The following AATF variants were observed in gnomAD, a reference collection of about 807,000 sequenced individuals.
AATF encodes apoptosis antagonizing transcription factor, also known as protein AATF.
AATF carries 48 observed loss-of-function variants against 63.7 expected under a neutral mutation model. The observed-to-expected ratio is 0.75, with a 90% CI of 0.60 to 0.96. The LOEUF (loss-of-function observed/expected upper bound fraction) is 0.96, where lower values mean the gene tolerates loss of function less well. Among genes scored for constraint, AATF ranks in the 40% least tolerant of loss-of-function variants. AATF has a pLI of 0.00. For missense variants in AATF, 639 were observed against 685.7 expected, an observed-to-expected ratio of 0.93 and a Z score of 0.76; for synonymous variants, 258 against 247.7, an observed-to-expected ratio of 1.04 and a Z score of -0.39.
intron 8 of AATF, among the ~76,000 whole-genome samples, chr17:37,007,232 G>C (rs2071347948): frequency 6.6e-6 from 1 of 152,068 alleles, no homozygotes; most frequent in Non-Finnish European, 1.5e-5. Context: ...CTGTCACCCA[G>C]GCTGGACCAT....
At chr17:36,996,667 A>T (rs2071257305) in intron 8 of AATF, among the ~76,000 whole-genome samples, 1 of 152,188 alleles carries the variant, frequency 6.6e-6, no homozygotes, top group Admixed American at 6.5e-5. Flanking sequence ...GCCATTGTAT[A>T]TCTGTCAATG....
chr17:36,971,326 A>T (rs2071037588), intron 4 of AATF, among the ~76,000 whole-genome samples: 1 of 152,244 alleles, frequency 6.6e-6, no homozygotes. Context: ...GATTTAACTT[A>T]ATCATTAATG....
intron 4 of AATF, among the ~76,000 whole-genome samples, chr17:36,966,540 T>G (rs2070992784): frequency 6.6e-6 from 1 of 152,156 alleles, no homozygotes; most frequent in Non-Finnish European, 1.5e-5. Context: ...AATGCTGGGA[T>G]TACAGGTGTG....
intron 8 of AATF, among the ~76,000 whole-genome samples, chr17:36,997,450 A>T (rs1220293165): frequency 6.6e-6 from 1 of 152,244 alleles, no homozygotes; most frequent in Admixed American, 6.5e-5. Context: ...GAAGATATAC[A>T]AATGGCCAAC....
intron 11 of AATF, among the ~76,000 whole-genome samples, chr17:37,036,252 G>T (rs577475834): frequency 1.3e-5 from 2 of 152,048 alleles, no homozygotes; most frequent in Non-Finnish European, 2.9e-5. Context: ...CCTTCCACAC[G>T]TGCCTAAATT....
At chr17:37,027,887 G>T (rs117619399) in intron 10 of AATF, among the ~76,000 whole-genome samples, 4 of 152,146 alleles carry the variant, frequency 2.6e-5, no homozygotes, top group African/African-American at 9.7e-5. Context: ...AATTAAAGCC[G>T]TCTCTGGACA....
intron 4 of AATF, among the ~76,000 whole-genome samples, chr17:36,974,174 A>G (rs540025459): frequency 1.3e-3 from 195 of 152,198 alleles, no homozygotes; most frequent in African/African-American, 4.2e-3. Context: ...ATTTTGGTAC[A>G]TGGTAAATAT....
chr17:37,037,734 C>T (rs2071604809), intron 11 of AATF, among the ~76,000 whole-genome samples: 1 of 152,186 alleles, frequency 6.6e-6, no homozygotes, highest in East Asian at 1.9e-4. Context: ...GGCATCCCTG[C>T]CAAATCTCAT....
chr17:37,025,872 A>G (rs1174995131), intron 10 of AATF, among the ~76,000 whole-genome samples: 2 of 152,186 alleles, frequency 1.3e-5, no homozygotes, highest in East Asian at 3.8e-4. Flanking sequence ...CAAAAATTTG[A>G]GGAGAAACTG....
intron 8 of AATF, among the ~76,000 whole-genome samples, chr17:36,991,514 T>C (rs1000396119): frequency 1.2e-4 from 19 of 152,156 alleles, no homozygotes; most frequent in African/African-American, 4.3e-4. Context: ...ACTGTTAAGA[T>C]AGACTAAACA....
At chr17:36,966,514 C>T (rs186462847) in intron 4 of AATF, among the ~76,000 whole-genome samples, 16 of 151,600 alleles carry the variant, frequency 1.1e-4, no homozygotes, top group African/African-American at 3.4e-4. Flanking sequence ...GTGATCCTCC[C>T]GCCTCAGCCT....
chr17:37,008,246 G>A (rs1167876358), intron 8 of AATF, among the ~76,000 whole-genome samples: 1 of 152,180 alleles, frequency 6.6e-6, no homozygotes, highest in African/African-American at 2.4e-5. Flanking sequence ...GTTTTGCTGA[G>A]TGCTTTACTT....
At position 36,950,415 on chromosome 17, in the gene AATF, C is replaced by T. The variant is rs749165960; in HGVS notation, c.283+10C>T. ...CTGCCAGGATCGTCTGGTGAGTAGACATTTTTGAATGGAACTCTTCTCTTC... is the reference window on the plus strand; with the variant it reads ...CTGCCAGGATCGTCTGGTGAGTAGATATTTTTGAATGGAACTCTTCTCTTC... On this transcript the variant is annotated intron_variant, in intron 2 of 11. Coordinates refer to ENST00000619387, the MANE Select transcript of AATF (RefSeq NM_012138.4). The T allele has an allele frequency of 6.2e-7, 1 of 1,611,118 alleles. No homozygotes were observed. Among genetic ancestry groups the T allele is most frequent in the Non-Finnish European group, 8.5e-7 (1 of 1,177,586 alleles).
chr17:36,952,985 A>G lies in AATF; in HGVS notation c.383A>G (p.Gln128Arg). 1 of 1,614,194 alleles carries G rather than the reference A, an allele frequency of 6.2e-7. No individual in the cohort carries two copies. Among genetic ancestry groups the G allele is most frequent in the Non-Finnish European group, 8.5e-7 (1 of 1,180,040 alleles). The change falls in exon 3 of 12, where the codon CAG becomes CGG. Residue 128 changes from glutamine to arginine, a missense_variant. By Grantham distance (43) the Gln-to-Arg change is conservative. Transcript: ENST00000619387. ...DEDDLGAAEEQECGDHRESKK... is the reference protein window; with the variant it reads ...DEDDLGAAEERECGDHRESKK... ...GACGACCTGGGTGCTGCTGAGGAACAGGAGTGTGGTGATCACAGGGAGAGC... is the reference window on the plus strand; with the variant it reads ...GACGACCTGGGTGCTGCTGAGGAACGGGAGTGTGGTGATCACAGGGAGAGC...
At chr17:36,966,219 T>A (rs953696894) in intron 4 of AATF, among the ~76,000 whole-genome samples, 2 of 152,312 alleles carry the variant, frequency 1.3e-5, no homozygotes, top group African/African-American at 4.8e-5. Context: ...CAGATTTTTT[T>A]TAAAAAAATC....
intron 4 of AATF, among the ~76,000 whole-genome samples, chr17:36,974,008 G>T (rs746547646): frequency 6.6e-6 from 1 of 151,438 alleles, no homozygotes; most frequent in Non-Finnish European, 1.5e-5. Flanking sequence ...GGTGGAGGTT[G>T]CAGTGAGCCA....
chr17:36,997,484 C>T (rs1272860195), intron 8 of AATF, among the ~76,000 whole-genome samples: 2 of 152,126 alleles, frequency 1.3e-5, no homozygotes, highest in South Asian at 2.1e-4. Context: ...TACTCAGCAT[C>T]GCTAATGATC....
At chr17:37,047,370 TG>T (rs1278984320) in intron 11 of AATF, among the ~76,000 whole-genome samples, 1 of 152,088 alleles carries the variant, frequency 6.6e-6, no homozygotes, top group Non-Finnish European at 1.5e-5. Context: ...GTAGGGATGG[TG>T]GAAGTTTTGA....
chr17:37,040,288 A>G (rs1029966945), intron 11 of AATF, among the ~76,000 whole-genome samples: 11 of 152,268 alleles, frequency 7.2e-5, no homozygotes, highest in African/African-American at 2.6e-4. Flanking sequence ...TTGCTGAGAT[A>G]CCATTTCTGT....
Sources: allele counts gnomAD v4.1 joint callset (sites outside exome capture counted in the v4.1 genomes callset), GRCh38; gene constraint gnomAD v4.1.1; transcripts MANE v1.5; gene names NCBI Gene and HGNC (gene_info 2026-07-23, HGNC 2026-07-21).